The following BAIAP2 variants were observed in gnomAD, a reference collection of about 807,000 sequenced individuals.
BAIAP2 encodes the protein BAR/IMD domain-containing adapter protein 2.
In BAIAP2, 18 loss-of-function variants were observed where a neutral mutation model predicts 63.0. That is an observed-to-expected ratio of 0.29 (90% CI 0.20 to 0.42). BAIAP2 has a LOEUF of 0.42. Ranked by LOEUF, BAIAP2 falls within the 10% of genes least tolerant of loss-of-function variation. The pLI, the probability that BAIAP2 is intolerant of heterozygous loss-of-function variation, is 1.00. For synonymous variants in BAIAP2, 386 were observed against 307.6 expected (o/e 1.25, Z -2.67); for missense variants, 610 against 734.3 (o/e 0.83, Z 1.96).
At chr17:81,097,593 G>T (rs1267336184) in intron 6 of BAIAP2, 1 of 152,472 alleles carries the variant, frequency 6.6e-6, no homozygotes, top group Non-Finnish European at 1.5e-5. Context: ...CTTCTTAAGA[G>T]CCGATTCTGA....
At chr17:81,068,062 T>C (rs780899293) in intron 3 of BAIAP2, among the ~76,000 whole-genome samples, 21 of 152,200 alleles carry the variant, frequency 1.4e-4, no homozygotes, top group Non-Finnish European at 2.6e-4. Flanking sequence ...TGTCTGCATC[T>C]CTGGGGTCCT....
chr17:81,110,866 T>C, intron 13 of BAIAP2: 1 of 1,612,010 alleles, frequency 6.2e-7, no homozygotes, highest in Non-Finnish European at 8.5e-7. Flanking sequence ...CACCCCCGAG[T>C]CCTCAGACCC....
intron 2 of BAIAP2, among the ~76,000 whole-genome samples, chr17:81,054,259 C>A (rs1405204209): frequency 1.2e-5 from 1 of 81,574 alleles, no homozygotes; most frequent in East Asian, 3.9e-4. Context: ...TGGGAGCTGC[C>A]TCCTGAGCTG....
intron 3 of BAIAP2, among the ~76,000 whole-genome samples, chr17:81,076,674 G>A (rs1314722963): frequency 2.6e-5 from 4 of 152,214 alleles, no homozygotes; most frequent in Non-Finnish European, 5.9e-5. Context: ...TGTATCCATA[G>A]GGTGAAGTTG....
At position 81,035,186 on chromosome 17, in the gene BAIAP2, C is replaced by A; in HGVS notation, c.-69C>A. ...TCCGCTTTCGTCTCCGTCCTGCTGCCGTTACCGCCGCTGCTGCCGCCGCTT... is the reference window on the plus strand; with the variant it reads ...TCCGCTTTCGTCTCCGTCCTGCTGCAGTTACCGCCGCTGCTGCCGCCGCTT... On this transcript the variant is annotated 5_prime_UTR_variant, in exon 1 of 14. Transcript: ENST00000428708. 5 of 1,314,482 alleles carry A rather than the reference C, an allele frequency of 3.8e-6. No individual in the cohort carries two copies. Among genetic ancestry groups the A allele is most frequent in the South Asian group, 3.0e-5 (2 of 66,894 alleles). 81.4% of individuals were successfully genotyped at this position (1,314,482 alleles called of 1,614,324 possible).
Position 81,091,216 on chromosome 17 carries a change from C to A in BAIAP2, c.489+4636C>A, listed in dbSNP as rs561530446. Among the ~76,000 whole-genome samples, 51 of 131,860 alleles carry A rather than the reference C, an allele frequency of 3.9e-4. 1 individual carries two copies. In the East Asian group the frequency reaches 9.1e-3, roughly 24 times the overall value. 86.5% of individuals were successfully genotyped at this position (131,860 alleles called of 152,430 possible). ...ACCCCACCCCACCCCACCCCACAGG[C>A]CTCCTAGCTGTCCCTAACTCCTGGC... On this transcript the variant is annotated intron_variant, in intron 6 of 13. Coordinates refer to ENST00000428708, the MANE Select transcript of BAIAP2 (RefSeq NM_001144888.2).
chr17:81,114,656 T>C (rs1329792702), intron 13 of BAIAP2, among the ~76,000 whole-genome samples: 3 of 152,212 alleles, frequency 2.0e-5, no homozygotes, highest in African/African-American at 4.8e-5. Context: ...CAGTCTGTAG[T>C]GTTTCAAGTT....
intron 10 of BAIAP2, chr17:81,105,149 CGGCAGGGGTCTCCCCCCAAT>C (rs199596340): frequency 0.22 from 34,448 of 159,856 alleles, 4,371 homozygotes; most frequent in South Asian, 0.29. Context: ...TCTTTCCCCA[CGGCAGGGGTCTCCCCCCAAT>C]GGCAGGGGTC....
In BAIAP2 at chr17:81,097,207, T is replaced by A. The variant is rs371097616; in HGVS notation, c.490-2721T>A. ...ACTGGGGATAGGAGTAGCAAGCCCG[T>A]TGTTTTGAGGGGCAGGTGGGGTTTA... On this transcript the variant is annotated intron_variant, in intron 6 of 13. Coordinates refer to ENST00000428708, the MANE Select transcript of BAIAP2 (RefSeq NM_001144888.2). Among the ~76,000 whole-genome samples the A allele has an allele frequency of 3.3e-5, 5 of 152,130 alleles. No individual in the cohort carries two copies. In the South Asian group the frequency reaches 1.0e-3, roughly 32 times the overall value.
intron 1 of BAIAP2, among the ~76,000 whole-genome samples, chr17:81,039,022 T>C (rs2046712495): frequency 6.6e-6 from 1 of 152,226 alleles, no homozygotes; most frequent in East Asian, 1.9e-4. Flanking sequence ...TGCTTTGTGT[T>C]TAAGGATACT....
chr17:81,109,291 C>T, intron 13 of BAIAP2: 1 of 1,244,462 alleles, frequency 8.0e-7, no homozygotes, highest in South Asian at 3.2e-5. Context: ...CTCGGCCTCA[C>T]CCTGCAGTGT....
At chr17:81,111,101 T>A in intron 13 of BAIAP2, 1 of 982,360 alleles carries the variant, frequency 1.0e-6, no homozygotes, top group Non-Finnish European at 1.6e-6. Context: ...CCTCTCACTC[T>A]GGGTGCTGGG....
Position 81,098,068 on chromosome 17 carries a change from A to T in BAIAP2, c.490-1860A>T. 7.2e-6 allele frequency: 9 copies of T among 1,257,058 alleles called. 1 individual carries two copies. In the South Asian group the frequency reaches 2.4e-4, roughly 34 times the overall value. 77.9% of individuals were successfully genotyped at this position (1,257,058 alleles called of 1,614,324 possible). ...CGCTACCCCAGACCTCAGGCACATG[A>T]TCCCCAGGCCAGCTGGGGTCATGGA... On this transcript the variant is annotated intron_variant, in intron 6 of 13. Coordinates refer to ENST00000428708, the MANE Select transcript of BAIAP2 (RefSeq NM_001144888.2).
At chr17:81,110,272 T>A (rs4072588) in intron 13 of BAIAP2, 119 of 985,604 alleles carry the variant, frequency 1.2e-4, no homozygotes, top group Non-Finnish European at 1.4e-4. Context: ...TAAGGAGAGC[T>A]CAAGGGCGGA....
At chr17:81,039,272 G>A (rs956383352) in intron 1 of BAIAP2, among the ~76,000 whole-genome samples, 5 of 152,258 alleles carry the variant, frequency 3.3e-5, no homozygotes, top group Non-Finnish European at 7.3e-5. Context: ...TGCCCAGCCT[G>A]TGTGGGCTTT....
intron 1 of BAIAP2, among the ~76,000 whole-genome samples, chr17:81,040,576 C>T (rs945252587): frequency 2.2e-4 from 34 of 152,248 alleles, no homozygotes; most frequent in African/African-American, 6.5e-4. Context: ...CATGGAACGG[C>T]GGCCAGCCTG....
chr17:81,103,057 C>T (rs2058704989), intron 7 of BAIAP2, among the ~76,000 whole-genome samples: 2 of 152,218 alleles, frequency 1.3e-5, no homozygotes, highest in South Asian at 4.1e-4. Flanking sequence ...AGCAGTGAGC[C>T]TCAGTGTGTC....
chr17:81,108,017 G>C, intron 12 of BAIAP2: 1 of 180,898 alleles, frequency 5.5e-6, no homozygotes, highest in Non-Finnish European at 1.2e-5. Flanking sequence ...CCCAGGGGCC[G>C]GGATGGTACA....
At chr17:81,071,620 A>G (rs1364872582) in intron 3 of BAIAP2, among the ~76,000 whole-genome samples, 5 of 152,234 alleles carry the variant, frequency 3.3e-5, no homozygotes. Flanking sequence ...CTGTGCCCTC[A>G]GTGTCCACTG....
Sources: allele counts gnomAD v4.1 joint callset (sites outside exome capture counted in the v4.1 genomes callset), GRCh38; gene constraint gnomAD v4.1.1; transcripts MANE v1.5; gene names NCBI Gene and HGNC (gene_info 2026-07-23, HGNC 2026-07-21).